Variants in MCF2 observed in about 807,000 individuals in gnomAD.
The protein encoded by MCF2 is proto-oncogene DBL.
In MCF2, 44 loss-of-function variants were observed where a neutral mutation model predicts 82.5. That is an observed-to-expected ratio of 0.53 (90% CI 0.42 to 0.69). MCF2 has a LOEUF of 0.69. MCF2 is among the 30% of genes least tolerant of loss of function. The probability of loss-of-function intolerance (pLI) is 0.00; values close to 1 mark genes in which losing one functional copy is unlikely to be tolerated. For synonymous variants in MCF2, 217 were observed against 224.9 expected, an observed-to-expected ratio of 0.96 and a Z score of 0.32; for missense variants, 623 against 663.1, an observed-to-expected ratio of 0.94 and a Z score of 0.66.
At chrX:139,610,898 T>C (rs1338800674) in intron 10 of MCF2, among the ~76,000 whole-genome samples, 2 of 111,445 alleles carry the variant, frequency 1.8e-5, no homozygotes, top group Admixed American at 9.6e-5. Flanking sequence ...GAAGCAGAGG[T>C]GGTATTCAAA....
At chrX:139,696,916 A>C in intron 1 of MCF2, among the ~76,000 whole-genome samples, 1 of 112,398 alleles carries the variant, frequency 8.9e-6, no homozygotes, top group East Asian at 2.8e-4. Flanking sequence ...TAAATTACTT[A>C]AGATTATATA....
chrX:139,610,862 G>C (rs752744828), intron 10 of MCF2, among the ~76,000 whole-genome samples: 1 of 111,294 alleles, frequency 9.0e-6, no homozygotes, highest in Non-Finnish European at 1.9e-5. Flanking sequence ...TTCTAGATAA[G>C]GAATTAAGGT....
At position 139,686,157 on chromosome X, in the gene MCF2, G is replaced by T. The variant is rs868445726; in HGVS notation, c.-45+21949C>A. Among the ~76,000 whole-genome samples the T allele has an allele frequency of 5.5e-5, 6 of 109,923 alleles. No homozygotes were observed. The Admixed American group carries it at 5.8e-4, about 11-fold the overall frequency. ...AGCCATCTATGACAAACCCACAGCC[G>T]ACATCACACTGAATGGACAAAAGCT... On this transcript the variant is annotated intron_variant, in intron 1 of 27. Coordinates refer to the MCF2 transcript ENST00000414978.
At chrX:139,618,981 A>G (rs1311744455) in intron 7 of MCF2, among the ~76,000 whole-genome samples, 1 of 111,637 alleles carries the variant, frequency 9.0e-6, no homozygotes, top group African/African-American at 3.2e-5. Context: ...ACTGAGGATT[A>G]GAAACCAATT....
intron 10 of MCF2, among the ~76,000 whole-genome samples, chrX:139,612,651 C>T (rs999494471): frequency 1.2e-4 from 13 of 111,084 alleles, no homozygotes; most frequent in African/African-American, 3.9e-4. Flanking sequence ...TTTGGCTTAG[C>T]GATTAAAAGT....
In MCF2 at chrX:139,619,997, TTGTGTG is replaced by T. The variant is rs57662065; in HGVS notation, c.688-297_688-292del. On this transcript the variant is annotated intron_variant, in intron 6 of 24. Coordinates refer to ENST00000370576, the Ensembl canonical transcript of MCF2. ...GAGGTATGTATAGGTATATATACAT[TTGTGTG>T]TGTGTGTGTGTGTGTGTGTGTGTGT... Among the ~76,000 whole-genome samples the T allele has an allele frequency of 8.0e-3, 748 of 93,390 alleles. 5 individuals are homozygous for T. The highest frequency in any genetic ancestry group is 0.026 in the African/African-American group (685 of 26,295). The allele number at this position is 93,390 out of a possible 115,157, so 81.1% of individuals were successfully genotyped here. A position where few individuals can be genotyped will look rare whatever the true frequency, so the allele number is the denominator to read the frequency against.
intron 1 of MCF2, among the ~76,000 whole-genome samples, chrX:139,698,956 A>G (rs763214551): frequency 9.0e-6 from 1 of 111,540 alleles, no homozygotes; most frequent in African/African-American, 3.2e-5. Flanking sequence ...TCCTCCCAAA[A>G]CATGTACAAG....
In MCF2 at chrX:139,705,412, C is replaced by A. The variant is rs1184849886; in HGVS notation, c.-45+2694G>T. Among the ~76,000 whole-genome samples the A allele has an allele frequency of 3.6e-5, 4 of 112,396 alleles. No individual in the cohort carries two copies. In the East Asian group the frequency reaches 1.1e-3, roughly 31 times the overall value. On this transcript the variant is annotated intron_variant, in intron 1 of 27. Transcript: ENST00000414978. ...TAGAGAACTCAGAAATAAAGCTGCA[C>A]AGCTACAACCATCTGATCTTTGACA...
chrX:139,620,828 C>G (rs1233098564), intron 6 of MCF2, among the ~76,000 whole-genome samples: 1 of 111,787 alleles, frequency 8.9e-6, no homozygotes, highest in Non-Finnish European at 1.9e-5. Context: ...TCCTATCAAA[C>G]TACCAACAGC....
Position 139,674,806 on chromosome X carries a change from G to T in MCF2, c.-44-23018C>A, listed in dbSNP as rs141790200. Among the ~76,000 whole-genome samples the T allele has an allele frequency of 3.2e-3, 351 of 111,376 alleles. 2 individuals carry two copies. The highest frequency in any genetic ancestry group is 0.011 in the African/African-American group (341 of 30,657). On this transcript the variant is annotated intron_variant, in intron 1 of 27. Transcript: ENST00000414978. ...GAATCTGACAACTATGTGTCTTGGG[G>T]TTGCTCTTCTTGAGGATTATCTTTG... is the stretch of plus-strand genomic sequence containing the variant.
chrX:139,626,440 C>A (rs1932763284), intron 5 of MCF2, 133 bp from the exon 9 acceptor site: 2 of 586,306 alleles, frequency 3.4e-6, no homozygotes, highest in Non-Finnish European at 5.5e-6. Flanking sequence ...CCTATAGAGA[C>A]AACCAATGTC....
Position 139,589,842 on chromosome X carries a change from A to G in MCF2, c.2363T>C (p.Ile788Thr), listed in dbSNP as rs73634052. 1.9e-3 allele frequency: 2,281 copies of G among 1,188,806 alleles called. 36 individuals are homozygous for G. The African/African-American group carries it at 0.034, about 18-fold the overall frequency. Residue 788 changes from isoleucine to threonine, a missense_variant, in exon 20 of 25, where the codon ATT becomes ACT. Physicochemically the swap from Ile to Thr is moderately conservative, Grantham distance 89. Transcript: ENST00000370576. Reference sequence around the variant, plus strand: ...AATTTTCAAATGACCAACCTGGACAATATAAACTTCTTCCTTTTCACCATA... The same window carrying G: ...AATTTTCAAATGACCAACCTGGACAGTATAAACTTCTTCCTTTTCACCATA...
intron 20 of MCF2, 31 bp downstream of exon 24, chrX:139,589,804 G>T: frequency 1.0e-6 from 1 of 996,956 alleles, no homozygotes; most frequent in Non-Finnish European, 1.4e-6. Flanking sequence ...ATGCAGGTTT[G>T]GGTTTCTAGA....
chrX:139,612,087 GA>G (rs1185071695), intron 10 of MCF2, among the ~76,000 whole-genome samples: 3 of 104,674 alleles, frequency 2.9e-5, no homozygotes, highest in South Asian at 4.2e-4. Flanking sequence ...CAGTGGGGAT[GA>G]AAAAAAAAAG....
At chrX:139,688,684 T>TC (rs1194545988) in intron 1 of MCF2, among the ~76,000 whole-genome samples, 2 of 111,729 alleles carry the variant, frequency 1.8e-5, no homozygotes, top group Non-Finnish European at 3.8e-5. Flanking sequence ...TCATTTTTTT[T>TC]CATCATCAGG....
At chrX:139,673,955 G>T (rs1488333450) in intron 1 of MCF2, among the ~76,000 whole-genome samples, 1 of 111,218 alleles carries the variant, frequency 9.0e-6, no homozygotes, top group African/African-American at 3.3e-5. Context: ...GAATCTAAGT[G>T]TCTTTGTAGG....
chrX:139,651,964 C>T (rs1395203334), intron 1 of MCF2, among the ~76,000 whole-genome samples, 176 bp from the exon 2 acceptor site: 1 of 111,242 alleles, frequency 9.0e-6, no homozygotes, highest in Non-Finnish European at 1.9e-5. Context: ...AAATCACACT[C>T]GAAAATATCA....
intron 6 of MCF2, among the ~76,000 whole-genome samples, chrX:139,625,910 T>C (rs1416628938): frequency 2.7e-5 from 3 of 111,453 alleles, no homozygotes; most frequent in Non-Finnish European, 5.7e-5. Flanking sequence ...AGATCTAAGA[T>C]AAATTTGAAT....
chrX:139,669,149 A>T (rs1006570520), intron 1 of MCF2, among the ~76,000 whole-genome samples: 2 of 112,175 alleles, frequency 1.8e-5, no homozygotes, highest in African/African-American at 6.5e-5. Flanking sequence ...GATAAGGGAC[A>T]TGTATCTAGA....
Sources: gnomAD v4.1 joint callset for allele counts (sites outside exome capture counted in the v4.1 genomes callset) on GRCh38, gnomAD v4.1.1 for gene constraint, MANE v1.5 for transcripts, NCBI Gene and HGNC (gene_info 2026-07-23, HGNC 2026-07-21) for gene names.